Variants in TNFSF4 observed in about 807,000 individuals in gnomAD.
TNFSF4 encodes TNF superfamily member 4, also known as tumor necrosis factor ligand superfamily member 4.
A neutral mutation model predicts 7.3 loss-of-function variants in TNFSF4; 4 were observed. That is an observed-to-expected ratio of 0.55 (90% CI 0.27 to 1.25). The LOEUF (loss-of-function observed/expected upper bound fraction) is 1.25, where lower values mean the gene tolerates loss of function less well. Ranked by LOEUF, TNFSF4 falls within the 50% of genes most tolerant of loss-of-function variation. TNFSF4 has a pLI of 0.12. For missense variants in TNFSF4, 181 were observed against 208.8 expected (o/e 0.87, Z 0.82); for synonymous variants, 76 against 83.7 (o/e 0.91, Z 0.50).
chr1:173,297,730 A>G, the TNFSF4 span, among the ~76,000 whole-genome samples: 3 of 151,920 alleles, frequency 2.0e-5, no homozygotes, highest in Admixed American at 2.0e-4. Context: ...TGAATGAATG[A>G]ATGAGAGGAT....
At chr1:173,176,909 G>A in the TNFSF4 span, among the ~76,000 whole-genome samples, 1 of 152,102 alleles carries the variant, frequency 6.6e-6, no homozygotes, top group Admixed American at 6.5e-5. Flanking sequence ...CTTATAAGTG[G>A]GAGCTAAACA....
chr1:173,423,316 T>C, the TNFSF4 span, among the ~76,000 whole-genome samples: 1 of 152,216 alleles, frequency 6.6e-6, no homozygotes, highest in Non-Finnish European at 1.5e-5. Context: ...AAGTTGATCT[T>C]CAATGTTGTC....
the TNFSF4 span, among the ~76,000 whole-genome samples, chr1:173,337,094 A>G: frequency 6.6e-6 from 1 of 152,202 alleles, no homozygotes; most frequent in African/African-American, 2.4e-5. Context: ...AGATCCAACC[A>G]TACTTAAAAT....
At chr1:173,288,179 C>CTATTTA in the TNFSF4 span, among the ~76,000 whole-genome samples, 2 of 152,160 alleles carry the variant, frequency 1.3e-5, no homozygotes, top group African/African-American at 4.8e-5. Context: ...CACGGGGTGG[C>CTATTTA]TTGCACCTGT....
At chr1:173,328,289 G>A in the TNFSF4 span, among the ~76,000 whole-genome samples, 1 of 147,308 alleles carries the variant, frequency 6.8e-6, no homozygotes, top group African/African-American at 2.5e-5. Context: ...TCACTCATAG[G>A]TGGGAATTGA....
At chr1:173,251,777 G>A in the TNFSF4 span, among the ~76,000 whole-genome samples, 1 of 152,172 alleles carries the variant, frequency 6.6e-6, no homozygotes, top group African/African-American at 2.4e-5. Flanking sequence ...TAGTTCTTAT[G>A]GTTATTGTGA....
At chr1:173,398,722 AG>A in the TNFSF4 span, among the ~76,000 whole-genome samples, 1 of 152,164 alleles carries the variant, frequency 6.6e-6, no homozygotes, top group African/African-American at 2.4e-5. Flanking sequence ...CACCGTGCCC[AG>A]CCCTACGTCA....
chr1:173,393,560 C>T, the TNFSF4 span, among the ~76,000 whole-genome samples: 17 of 152,340 alleles, frequency 1.1e-4, no homozygotes, highest in East Asian at 1.9e-3. Context: ...TGGGAGCTCA[C>T]AGCTGGCACC....
chr1:173,183,848 T>G lies in TNFSF4; in HGVS notation c.*2668A>C, dbSNP rs1352477039. The G allele has an allele frequency of 6.6e-6, 1 of 152,180 alleles. No individual in the cohort carries two copies. Among genetic ancestry groups the G allele is most frequent in the Non-Finnish European group, 1.5e-5 (1 of 68,032 alleles). The allele number at this position is 152,180 out of a possible 1,614,324, so 9.4% of individuals were successfully genotyped here. A position where few individuals can be genotyped will look rare whatever the true frequency, so the allele number is the denominator to read the frequency against. On this transcript the variant is annotated 3_prime_UTR_variant, in exon 3 of 3. Coordinates refer to ENST00000281834, the MANE Select transcript of TNFSF4 (RefSeq NM_003326.5). ...GCCAGGAAAGCACTAAATACAAAATTATGACTTAAAATAGGGGACCTGCCC... is the reference window on the plus strand; with the variant it reads ...GCCAGGAAAGCACTAAATACAAAATGATGACTTAAAATAGGGGACCTGCCC...
the TNFSF4 span, among the ~76,000 whole-genome samples, chr1:173,236,768 G>A: frequency 6.6e-6 from 1 of 152,132 alleles, no homozygotes; most frequent in African/African-American, 2.4e-5. Flanking sequence ...TTACCCATAT[G>A]TGGAAGCTAA....
the TNFSF4 span, among the ~76,000 whole-genome samples, chr1:173,381,934 T>C: frequency 2.6e-5 from 4 of 152,140 alleles, no homozygotes; most frequent in Admixed American, 2.0e-4. Flanking sequence ...TAAAGGTTTG[T>C]AAGTGCACCA....
chr1:173,449,553 C>T, the TNFSF4 span, among the ~76,000 whole-genome samples: 1 of 151,940 alleles, frequency 6.6e-6, no homozygotes, highest in Non-Finnish European at 1.5e-5. Flanking sequence ...GGGGTTTTGC[C>T]ATGTTGCTGA....
the TNFSF4 span, among the ~76,000 whole-genome samples, chr1:173,253,513 G>T: frequency 6.6e-6 from 1 of 152,166 alleles, no homozygotes; most frequent in East Asian, 1.9e-4. Context: ...CATAGGCCTT[G>T]CAATTCAACC....
At chr1:173,448,629 C>A in the TNFSF4 span, among the ~76,000 whole-genome samples, 12 of 152,038 alleles carry the variant, frequency 7.9e-5, no homozygotes, top group African/African-American at 2.9e-4. Context: ...ACAAGGTGCT[C>A]AGTGGGGGAG....
the TNFSF4 span, among the ~76,000 whole-genome samples, chr1:173,233,036 A>G: frequency 6.6e-6 from 1 of 152,206 alleles, no homozygotes; most frequent in Admixed American, 6.5e-5. Context: ...TCTCCGAGCT[A>G]AAGGAAGATG....
chr1:173,271,879 C>T, the TNFSF4 span, among the ~76,000 whole-genome samples: 6 of 152,172 alleles, frequency 3.9e-5, no homozygotes, highest in Non-Finnish European at 8.8e-5. Flanking sequence ...AATCATGCTA[C>T]TATAAAGACA....
At chr1:173,300,679 A>G in the TNFSF4 span, among the ~76,000 whole-genome samples, 2 of 151,842 alleles carry the variant, frequency 1.3e-5, no homozygotes, top group East Asian at 1.9e-4. Context: ...CCCAAAAAAT[A>G]AACAAAATCA....
chr1:173,355,954 T>C, the TNFSF4 span, among the ~76,000 whole-genome samples: 4 of 152,226 alleles, frequency 2.6e-5, no homozygotes, highest in Non-Finnish European at 5.9e-5. Flanking sequence ...TCTGCTTGTC[T>C]AAAGACATTC....
chr1:173,448,022 A>G, the TNFSF4 span, among the ~76,000 whole-genome samples: 1 of 152,198 alleles, frequency 6.6e-6, no homozygotes, highest in East Asian at 1.9e-4. Context: ...AAATACTACT[A>G]AAGATAAACA....
Sources: gnomAD v4.1 joint callset for allele counts (sites outside exome capture counted in the v4.1 genomes callset) on GRCh38, gnomAD v4.1.1 for gene constraint, MANE v1.5 for transcripts, NCBI Gene and HGNC (gene_info 2026-07-23, HGNC 2026-07-21) for gene names.